The following HS6ST3 variants were observed in gnomAD, a reference collection of about 807,000 sequenced individuals.
HS6ST3 encodes heparan sulfate 6-O-sulfotransferase 3.
Under a neutral mutation model 36.7 loss-of-function variants are expected in HS6ST3, and 12 were observed. The observed-to-expected ratio is 0.33, with a 90% confidence interval of 0.21 to 0.53. HS6ST3 has a LOEUF of 0.53. Ranked by LOEUF, HS6ST3 falls within the 20% of genes least tolerant of loss-of-function variation. HS6ST3 has a pLI of 0.95. For missense variants in HS6ST3, 584 were observed against 640.9 expected, an observed-to-expected ratio of 0.91 and a Z score of 0.96; for synonymous variants, 240 against 257.5, an observed-to-expected ratio of 0.93 and a Z score of 0.65.
intron 1 of HS6ST3, among the ~76,000 whole-genome samples, chr13:96,612,447 A>G (rs1048805647): frequency 6.6e-6 from 1 of 151,996 alleles, no homozygotes; most frequent in Non-Finnish European, 1.5e-5. Context: ...TCATTTCCCA[A>G]TTTCATGGCT....
chr13:96,620,551 G>T (rs771431050), intron 1 of HS6ST3, among the ~76,000 whole-genome samples: 1 of 152,180 alleles, frequency 6.6e-6, no homozygotes, highest in Non-Finnish European at 1.5e-5. Flanking sequence ...ATCTGAAGAA[G>T]CCAAGAGGAC....
chr13:96,765,066 T>C lies in HS6ST3; in HGVS notation c.708-67424T>C, dbSNP rs1193943925. ...TTTCTTTCTTTGTTTCTTTCTTTTT[T>C]TTTTTTTTTTTTTTTTTTGAGACGG... On this transcript the variant is annotated intron_variant, in intron 1 of 1. Transcript: ENST00000376705. Among the ~76,000 whole-genome samples, 319 of 136,890 alleles carry C rather than the reference T, an allele frequency of 2.3e-3. 1 individual carries two copies. The highest frequency in any genetic ancestry group is 8.3e-3 in the African/African-American group (299 of 36,148). 89.8% of individuals were successfully genotyped at this position (136,890 alleles called of 152,430 possible).
At chr13:96,420,524 T>TG (rs1211795342) in intron 1 of HS6ST3, among the ~76,000 whole-genome samples, 4 of 152,176 alleles carry the variant, frequency 2.6e-5, no homozygotes, top group African/African-American at 4.8e-5. Context: ...GGTGAATACT[T>TG]GGGGGAATAT....
chr13:96,493,409 A>T (rs1262828698), intron 1 of HS6ST3, among the ~76,000 whole-genome samples: 1 of 152,136 alleles, frequency 6.6e-6, no homozygotes, highest in Non-Finnish European at 1.5e-5. Context: ...TATATATCTA[A>T]ATAATGATGA....
chr13:96,547,026 A>T (rs1367906822), intron 1 of HS6ST3, among the ~76,000 whole-genome samples: 4 of 152,092 alleles, frequency 2.6e-5, no homozygotes, highest in African/African-American at 9.7e-5. Flanking sequence ...ATAGAAACAA[A>T]ATGGTATAGC....
At position 96,295,403 on chromosome 13, in the gene HS6ST3, G is replaced by A. The variant is rs546383927; in HGVS notation, c.707+203834G>A. ...TTGTGATTTAGAAGCAGTTGCTGAG[G>A]AGAAGCCATGTTAACATAACAACAG... On this transcript the variant is annotated intron_variant, in intron 1 of 1. Coordinates refer to ENST00000376705, the MANE Select transcript of HS6ST3 (RefSeq NM_153456.4). Among the ~76,000 whole-genome samples, 131 of 152,106 alleles carry A rather than the reference G, an allele frequency of 8.6e-4. 1 individual carries two copies. Among genetic ancestry groups the A allele is most frequent in the African/African-American group, 3.0e-3 (124 of 41,504 alleles).
At chr13:96,158,604 G>A (rs996740207) in intron 1 of HS6ST3, among the ~76,000 whole-genome samples, 1 of 132,146 alleles carries the variant, frequency 7.6e-6, no homozygotes, top group East Asian at 2.3e-4. Flanking sequence ...AGTGAGCCAT[G>A]ATCGCGCCAT....
At chr13:96,482,570 C>T (rs748863903) in intron 1 of HS6ST3, among the ~76,000 whole-genome samples, 5 of 151,698 alleles carry the variant, frequency 3.3e-5, no homozygotes, top group Non-Finnish European at 5.9e-5. Flanking sequence ...AATGATCAAA[C>T]GACTTGATTA....
intron 1 of HS6ST3, among the ~76,000 whole-genome samples, chr13:96,366,003 T>A (rs1566338978): frequency 6.6e-6 from 1 of 152,158 alleles, no homozygotes. Flanking sequence ...TTAGAAACTC[T>A]AAGGCACTTT....
intron 1 of HS6ST3, among the ~76,000 whole-genome samples, chr13:96,732,359 G>T (rs1255802957): frequency 6.6e-6 from 1 of 152,074 alleles, no homozygotes; most frequent in Non-Finnish European, 1.5e-5. Flanking sequence ...TATATGGTGT[G>T]ATATAAGGGT....
intron 1 of HS6ST3, among the ~76,000 whole-genome samples, chr13:96,619,944 C>T (rs1364653495): frequency 1.3e-5 from 2 of 152,156 alleles, no homozygotes; most frequent in African/African-American, 2.4e-5. Flanking sequence ...GATTTCCTGT[C>T]TGTGAAACCT....
intron 1 of HS6ST3, among the ~76,000 whole-genome samples, chr13:96,407,666 T>C (rs2055485801): frequency 6.6e-6 from 1 of 152,142 alleles, no homozygotes. Context: ...CTGTGGGACA[T>C]GTAAAGCAGA....
At chr13:96,502,359 CT>C (rs11410300) in intron 1 of HS6ST3, among the ~76,000 whole-genome samples, 179 of 139,054 alleles carry the variant, frequency 1.3e-3, no homozygotes, top group African/African-American at 3.6e-3. Context: ...TCTTCACGGG[CT>C]TTTTTTTTTT....
intron 1 of HS6ST3, among the ~76,000 whole-genome samples, chr13:96,722,163 A>T (rs892695584): frequency 2.6e-5 from 4 of 152,128 alleles, no homozygotes; most frequent in African/African-American, 9.7e-5. Flanking sequence ...CTACTTGGCA[A>T]CTGAGACAGG....
At chr13:96,308,979 C>T (rs1407977869) in intron 1 of HS6ST3, among the ~76,000 whole-genome samples, 2 of 152,062 alleles carry the variant, frequency 1.3e-5, no homozygotes, top group Non-Finnish European at 2.9e-5. Context: ...TGGCATATTT[C>T]CTCTATATTT....
At chr13:96,184,899 C>A (rs1333837684) in intron 1 of HS6ST3, among the ~76,000 whole-genome samples, 1 of 152,114 alleles carries the variant, frequency 6.6e-6, no homozygotes, top group East Asian at 1.9e-4. Context: ...TCCCTGCTAT[C>A]CCGCCAGGGC....
At chr13:96,372,696 C>T (rs563650894) in intron 1 of HS6ST3, among the ~76,000 whole-genome samples, 19 of 152,214 alleles carry the variant, frequency 1.2e-4, no homozygotes, top group African/African-American at 4.6e-4. Flanking sequence ...CATTTTTTTG[C>T]ATGTGAGATA....
intron 1 of HS6ST3, among the ~76,000 whole-genome samples, chr13:96,119,414 A>G (rs1269026781): frequency 1.3e-5 from 2 of 152,146 alleles, no homozygotes; most frequent in African/African-American, 2.4e-5. Context: ...ATAATTTAAT[A>G]ATAGATATTG....
chr13:96,124,672 G>T (rs1014656725), intron 1 of HS6ST3, among the ~76,000 whole-genome samples: 1 of 152,130 alleles, frequency 6.6e-6, no homozygotes, highest in African/African-American at 2.4e-5. Flanking sequence ...GCATAACCAG[G>T]TAAAGAATAT....
Sources: gnomAD v4.1 joint callset for allele counts (sites outside exome capture counted in the v4.1 genomes callset) on GRCh38, gnomAD v4.1.1 for gene constraint, MANE v1.5 for transcripts, NCBI Gene and HGNC (gene_info 2026-07-23, HGNC 2026-07-21) for gene names.